Variants in SUMF1 observed in about 807,000 individuals in gnomAD.
SUMF1 encodes the protein formylglycine-generating enzyme.
In SUMF1, 48 loss-of-function variants were observed where a neutral mutation model predicts 47.6. The observed-to-expected ratio is 1.01, with a 90% CI of 0.80 to 1.28. SUMF1 has a LOEUF of 1.28. Ranked by LOEUF, SUMF1 falls within the 50% of genes most tolerant of loss-of-function variation. The pLI is 0.00. For missense variants in SUMF1, 571 were observed against 485.4 expected, an observed-to-expected ratio of 1.18 and a Z score of -1.66; for synonymous variants, 230 against 192.1, an observed-to-expected ratio of 1.20 and a Z score of -1.63.
chr3:4,176,603 A>G (rs1234008221), intron 8 of SUMF1, among the ~76,000 whole-genome samples: 3 of 152,238 alleles, frequency 2.0e-5, no homozygotes, highest in Non-Finnish European at 1.5e-5. Context: ...TGTAAAGACC[A>G]TCGATGATAG....
intron 8 of SUMF1, among the ~76,000 whole-genome samples, chr3:4,374,080 T>C (rs1484790137): frequency 2.0e-5 from 3 of 152,194 alleles, no homozygotes; most frequent in African/African-American, 4.8e-5. Context: ...TGCTAATACA[T>C]ATCCAATTTT....
At chr3:4,295,903 A>T (rs961423563) in intron 8 of SUMF1, among the ~76,000 whole-genome samples, 1 of 152,214 alleles carries the variant, frequency 6.6e-6, no homozygotes, top group Non-Finnish European at 1.5e-5. Context: ...GGTTTCATGA[A>T]ACCATAATGC....
At chr3:4,123,685 T>C (rs540864914) in intron 8 of SUMF1, among the ~76,000 whole-genome samples, 2 of 152,286 alleles carry the variant, frequency 1.3e-5, no homozygotes, top group African/African-American at 2.4e-5. Flanking sequence ...TATGAGACCA[T>C]TGTTCTGGTC....
At chr3:4,070,717 G>A (rs540585017) in intron 8 of SUMF1, among the ~76,000 whole-genome samples, 17 of 151,950 alleles carry the variant, frequency 1.1e-4, no homozygotes, top group African/African-American at 3.6e-4. Flanking sequence ...CTCACTGCAA[G>A]CTCCACCTCC....
rs185571305 is a variant in SUMF1 at position 4,057,616 on chromosome 3, C to T, written c.1191+10953G>A. Reference sequence around the variant, plus strand: ...GAAAGGAGAATAATGCCCTGTGCCTCCCAGAGTTGTTATGAATATTAAATT... The same window carrying T: ...GAAAGGAGAATAATGCCCTGTGCCTTCCAGAGTTGTTATGAATATTAAATT... On this transcript the variant is annotated intron_variant and NMD_transcript_variant, in intron 9 of 12. Coordinates refer to the SUMF1 transcript ENST00000448413. 2.6e-5 allele frequency among the ~76,000 whole-genome samples: 4 copies of T among 152,176 alleles called. No individual in the cohort carries two copies. The East Asian group carries it at 7.7e-4, about 29-fold the overall frequency.
At chr3:4,098,670 C>T (rs987882585) in intron 8 of SUMF1, among the ~76,000 whole-genome samples, 5 of 152,152 alleles carry the variant, frequency 3.3e-5, no homozygotes, top group Non-Finnish European at 5.9e-5. Context: ...ACTGCATAAT[C>T]ATGCTAGCTA....
intron 8 of SUMF1, among the ~76,000 whole-genome samples, chr3:4,192,842 A>AGCT (rs1350194967): frequency 6.6e-6 from 1 of 152,146 alleles, no homozygotes; most frequent in Non-Finnish European, 1.5e-5. Context: ...CTGGATGCCA[A>AGCT]GGCTCAGGTA....
chr3:4,056,804 C>A (rs1017292008), intron 9 of SUMF1, among the ~76,000 whole-genome samples: 1 of 151,952 alleles, frequency 6.6e-6, no homozygotes, highest in Admixed American at 6.6e-5. Context: ...TGCAGTGGTG[C>A]AATCTCGGCT....
At chr3:4,376,516 C>T in intron 7 of SUMF1, 127 bp from the exon 8 acceptor site, 5 of 946,444 alleles carry the variant, frequency 5.3e-6, no homozygotes, top group Non-Finnish European at 8.6e-6. Flanking sequence ...TGCATTTCCA[C>T]CCCTAGGCTT....
At chr3:4,127,833 T>C (rs1193998354) in intron 8 of SUMF1, among the ~76,000 whole-genome samples, 1 of 152,056 alleles carries the variant, frequency 6.6e-6, no homozygotes, top group Non-Finnish European at 1.5e-5. Context: ...CTGCTTAATA[T>C]GATTAGACCC....
chr3:4,293,179 T>A (rs897024066), intron 8 of SUMF1, among the ~76,000 whole-genome samples: 1 of 152,158 alleles, frequency 6.6e-6, no homozygotes, highest in African/African-American at 2.4e-5. Flanking sequence ...CAATCATTCA[T>A]CAACCACATA....
chr3:4,097,180 G>C (rs1208905193), intron 8 of SUMF1, among the ~76,000 whole-genome samples: 1 of 152,114 alleles, frequency 6.6e-6, no homozygotes, highest in African/African-American at 2.4e-5. Context: ...AAGTAAACTA[G>C]AATTTTAACC....
At chr3:4,170,473 C>T (rs919910893) in intron 8 of SUMF1, among the ~76,000 whole-genome samples, 5 of 152,002 alleles carry the variant, frequency 3.3e-5, no homozygotes, top group African/African-American at 1.2e-4. Flanking sequence ...CCAATTTAAG[C>T]GTGATGTAAG....
chr3:4,223,810 G>A (rs1259521864), intron 8 of SUMF1, among the ~76,000 whole-genome samples: 1 of 152,156 alleles, frequency 6.6e-6, no homozygotes, highest in Non-Finnish European at 1.5e-5. Context: ...AGAGGAAAGA[G>A]TCTGAGCTTT....
downstream of SUMF1, among the ~76,000 whole-genome samples, chr3:4,359,726 G>A (rs997271083): frequency 6.6e-6 from 1 of 152,114 alleles, no homozygotes; most frequent in African/African-American, 2.4e-5. Flanking sequence ...AGAAGAGCAT[G>A]GGGGTTACTG....
chr3:4,322,077 A>T (rs1276084138), intron 8 of SUMF1, among the ~76,000 whole-genome samples: 2 of 152,192 alleles, frequency 1.3e-5, no homozygotes, highest in Non-Finnish European at 2.9e-5. Context: ...AAAATACTTG[A>T]ACATTATTCC....
At chr3:4,278,128 T>C (rs971920575) in intron 8 of SUMF1, among the ~76,000 whole-genome samples, 6 of 152,050 alleles carry the variant, frequency 3.9e-5, no homozygotes, top group Non-Finnish European at 8.8e-5. Flanking sequence ...ATTTTCTTAA[T>C]ATTTCAATAG....
chr3:4,177,949 G>C (rs1046476815), intron 8 of SUMF1, among the ~76,000 whole-genome samples: 6 of 152,080 alleles, frequency 3.9e-5, no homozygotes, highest in Non-Finnish European at 7.4e-5. Flanking sequence ...AGAAGAAATG[G>C]ATAAATTCCT....
At chr3:4,269,893 C>A (rs1697270273) in intron 8 of SUMF1, among the ~76,000 whole-genome samples, 1 of 152,190 alleles carries the variant, frequency 6.6e-6, no homozygotes, top group Admixed American at 6.5e-5. Flanking sequence ...TAGCTACCTG[C>A]ACTCTGTGTA....
Sources: gnomAD v4.1 joint callset for allele counts (sites outside exome capture counted in the v4.1 genomes callset) on GRCh38, gnomAD v4.1.1 for gene constraint, MANE v1.5 for transcripts, NCBI Gene and HGNC (gene_info 2026-07-23, HGNC 2026-07-21) for gene names.